Variants in FAM227B observed in about 807,000 individuals in gnomAD.
FAM227B encodes the protein protein FAM227B.
A neutral mutation model predicts 73.8 loss-of-function variants in FAM227B; 88 were observed. That is an observed-to-expected ratio of 1.19 (90% CI 1.00 to 1.42). The LOEUF (loss-of-function observed/expected upper bound fraction) is 1.42. Among genes scored for constraint, FAM227B ranks in the 40% most tolerant of loss-of-function variants. FAM227B has a pLI of 0.00. For missense variants in FAM227B, 632 were observed against 590.9 expected, an observed-to-expected ratio of 1.07 and a Z score of -0.72; for synonymous variants, 210 against 190.5, an observed-to-expected ratio of 1.10 and a Z score of -0.84.
At chr15:49,422,136 G>A (rs1007140092) in intron 11 of FAM227B, among the ~76,000 whole-genome samples, 1 of 142,706 alleles carries the variant, frequency 7.0e-6, no homozygotes, top group African/African-American at 2.5e-5. Context: ...GAGAGAGAGA[G>A]AGAGAGAGAG....
At chr15:49,393,872 C>T (rs1003010018) in intron 11 of FAM227B, among the ~76,000 whole-genome samples, 2 of 152,122 alleles carry the variant, frequency 1.3e-5, no homozygotes, top group Admixed American at 1.3e-4. Flanking sequence ...TCTAGTAAAA[C>T]ATAATCTAAG....
chr15:49,527,895 G>T (rs1427250517), intron 10 of FAM227B, among the ~76,000 whole-genome samples: 1 of 151,816 alleles, frequency 6.6e-6, no homozygotes, highest in East Asian at 1.9e-4. Flanking sequence ...TTTACGGGTT[G>T]TAAGAATCAA....
intron 11 of FAM227B, chr15:49,396,021 G>A (rs765941272): frequency 1.3e-4 from 58 of 454,918 alleles, no homozygotes; most frequent in East Asian, 2.1e-4. Context: ...GAACAGCTCC[G>A]GTCTACAGCT....
chr15:49,611,248 C>A lies in FAM227B; in HGVS notation c.72G>T (p.Lys24Asn). The A allele has an allele frequency of 6.3e-7, 1 of 1,592,476 alleles. No homozygotes were observed. Among genetic ancestry groups the A allele is most frequent in the Non-Finnish European group, 8.6e-7 (1 of 1,163,774 alleles). The change falls in exon 3 of 16, where the codon AAG (lysine) becomes AAT (asparagine). Residue 24 changes from lysine to asparagine, a missense_variant. Lys to Asn is a moderately conservative substitution (Grantham distance 94, BLOSUM62 0). Coordinates refer to ENST00000299338, the MANE Select transcript of FAM227B (RefSeq NM_152647.3). Reference protein sequence around the residue: ...AGPGKMQEPPKSIEEFLKFQN... With the variant: ...AGPGKMQEPPNSIEEFLKFQN... ...GAAACTTTAAGAATTCTTCAATGCT[C>A]TTTGGAGGTTCTTGCATTTTCTAAT...
At chr15:49,592,896 G>A (rs1268100862) in intron 3 of FAM227B, among the ~76,000 whole-genome samples, 4 of 152,158 alleles carry the variant, frequency 2.6e-5, no homozygotes, top group African/African-American at 9.7e-5. Context: ...CTCAGCAATG[G>A]TGGACACCCC....
chr15:49,575,181 T>G lies in FAM227B; in HGVS notation c.547-72A>C, dbSNP rs115042404. On this transcript the variant is annotated intron_variant, in intron 7 of 15. Coordinates refer to ENST00000299338, the MANE Select transcript of FAM227B (RefSeq NM_152647.3). Reference sequence around the variant, plus strand: ...ACAAAACATGTTAATGTAAATAGGCTTTATAAAGAGTATGCTTTCATTGCT... The same window carrying G: ...ACAAAACATGTTAATGTAAATAGGCGTTATAAAGAGTATGCTTTCATTGCT... 1,775 of 817,228 alleles carry G rather than the reference T, an allele frequency of 2.2e-3. 27 individuals carry two copies. In the African/African-American group the frequency reaches 0.029, roughly 13 times the overall value. 50.6% of individuals were successfully genotyped at this position (817,228 alleles called of 1,614,324 possible). A position where few individuals can be genotyped will look rare whatever the true frequency, so the allele number is the denominator to read the frequency against.
At chr15:49,614,929 C>A (rs1418051206) in intron 2 of FAM227B, 192 bp downstream of exon 2, 4 of 591,482 alleles carry the variant, frequency 6.8e-6, no homozygotes, top group Middle Eastern at 4.7e-4. Flanking sequence ...GCTGCAGCAC[C>A]CTATTAAAGC....
At chr15:49,433,933 G>C (rs747213284) in intron 11 of FAM227B, among the ~76,000 whole-genome samples, 1 of 151,704 alleles carries the variant, frequency 6.6e-6, no homozygotes, top group Non-Finnish European at 1.5e-5. Flanking sequence ...AGCTATACTA[G>C]AAAACAAGCA....
intron 11 of FAM227B, among the ~76,000 whole-genome samples, chr15:49,417,220 T>C (rs995880893): frequency 6.6e-6 from 1 of 152,016 alleles, no homozygotes; most frequent in African/African-American, 2.4e-5. Context: ...GGAAAAATCC[T>C]GTCTTTGCAA....
intron 10 of FAM227B, among the ~76,000 whole-genome samples, chr15:49,526,573 T>G (rs1483316040): frequency 1.3e-5 from 2 of 151,738 alleles, no homozygotes; most frequent in East Asian, 3.9e-4. Flanking sequence ...TAATTGAGAT[T>G]AAGAAAGTGA....
intron 13 of FAM227B, chr15:49,366,640 G>C (rs973247454): frequency 1.3e-6 from 2 of 1,576,242 alleles, no homozygotes; most frequent in African/African-American, 2.7e-5. Context: ...GGAAGCCCCA[G>C]AGCAGGGCGG....
chr15:49,591,484 C>CTTTT (rs71120696), intron 3 of FAM227B, among the ~76,000 whole-genome samples: 46 of 55,412 alleles, frequency 8.3e-4, no homozygotes, highest in Non-Finnish European at 1.2e-3. Context: ...CCCTTCCTTC[C>CTTTT]TTTTTTTTTT....
chr15:49,591,067 A>T, intron 3 of FAM227B, among the ~76,000 whole-genome samples: 3 of 75,376 alleles, frequency 4.0e-5, no homozygotes, highest in Admixed American at 1.9e-4. Flanking sequence ...TTTTTTTGAG[A>T]CAGAGTCTCG....
intron 11 of FAM227B, among the ~76,000 whole-genome samples, chr15:49,471,065 CTT>C (rs1302797741): frequency 6.6e-6 from 1 of 152,132 alleles, no homozygotes; most frequent in Non-Finnish European, 1.5e-5. Context: ...TGTTGATACT[CTT>C]TTCTATGCTA....
intron 11 of FAM227B, among the ~76,000 whole-genome samples, chr15:49,458,365 G>T (rs555355175): frequency 6.6e-6 from 1 of 152,030 alleles, no homozygotes; most frequent in African/African-American, 2.4e-5. Flanking sequence ...ATCTTTAAAG[G>T]TCACTTAAAC....
chr15:49,428,724 C>T (rs1292415241), intron 11 of FAM227B, among the ~76,000 whole-genome samples: 1 of 151,948 alleles, frequency 6.6e-6, no homozygotes, highest in East Asian at 1.9e-4. Flanking sequence ...TTGTGCTCTT[C>T]CCAATAATAG....
At chr15:49,604,614 T>A (rs1045653020) in intron 3 of FAM227B, among the ~76,000 whole-genome samples, 1 of 152,118 alleles carries the variant, frequency 6.6e-6, no homozygotes, top group Non-Finnish European at 1.5e-5. Flanking sequence ...AATATTTCTA[T>A]CATTCTTTCT....
intron 3 of FAM227B, among the ~76,000 whole-genome samples, chr15:49,606,696 T>C (rs1435870495): frequency 6.6e-6 from 1 of 152,208 alleles, no homozygotes; most frequent in Non-Finnish European, 1.5e-5. Context: ...CTCACCATTG[T>C]TGGGCTCAGA....
chr15:49,418,980 G>C (rs1171079930), intron 11 of FAM227B, among the ~76,000 whole-genome samples: 1 of 152,102 alleles, frequency 6.6e-6, no homozygotes, highest in Non-Finnish European at 1.5e-5. Flanking sequence ...GATTTCAAGA[G>C]TTTTATGTAT....
Sources: gnomAD v4.1 joint callset for allele counts (sites outside exome capture counted in the v4.1 genomes callset) on GRCh38, gnomAD v4.1.1 for gene constraint, MANE v1.5 for transcripts, NCBI Gene and HGNC (gene_info 2026-07-23, HGNC 2026-07-21) for gene names.